Variants in SSUH2 observed in about 807,000 individuals in gnomAD.
SSUH2 encodes the protein ssu-2 homolog, also known as protein SSUH2 homolog.
In SSUH2, 47 loss-of-function variants were observed where a neutral mutation model predicts 55.3. The observed-to-expected ratio is 0.85, with a 90% CI of 0.67 to 1.08. The LOEUF (loss-of-function observed/expected upper bound fraction) is 1.08, where lower values mean the gene tolerates loss of function less well. Among genes scored for constraint, SSUH2 ranks in the 50% least tolerant of loss-of-function variants. The probability of loss-of-function intolerance (pLI) is 0.00; values close to 1 mark genes in which losing one functional copy is unlikely to be tolerated. For missense variants in SSUH2, 535 were observed against 490.7 expected (o/e 1.09, Z -0.85); for synonymous variants, 212 against 191.5 (o/e 1.11, Z -0.89).
rs1697904653 is a variant in SSUH2 at position 8,627,784 on chromosome 3, C to G, written c.589-1G>C. On this transcript the variant is annotated splice_acceptor_variant, in intron 7 of 11. Coordinates refer to ENST00000544814, the MANE Select transcript of SSUH2 (RefSeq NM_001256748.3). LOFTEE classifies it high-confidence loss of function. ...CTCCGCAGCAGGATGGGCACCGCAC[C>G]TGCAGACACACCACTGCCTCAGCCC... 1.9e-6 allele frequency: 3 copies of G among 1,608,476 alleles called. No individual in the cohort carries two copies.
At position 8,619,978 on chromosome 3, in the gene SSUH2, G is replaced by T. The variant is rs769752473; in HGVS notation, c.1018C>A (p.His340Asn). ...TAAGTCTTTCCTTGGTACCAATAGT[G>T]AACTTCTGTGAGGGGGATCAGCTCA... ...TIELIPLTEV[H>N]YWYQGKTYVY... The change falls in exon 12 of 12, where the codon CAC (histidine) becomes AAC (asparagine). Residue 340 changes from histidine (H) to asparagine (N), a missense_variant. Coordinates refer to ENST00000544814, the MANE Select transcript of SSUH2 (RefSeq NM_001256748.3). The T allele has an allele frequency of 6.2e-7, 1 of 1,614,150 alleles. No homozygotes were observed. The highest frequency in any genetic ancestry group is 8.5e-7 in the Non-Finnish European group (1 of 1,180,004).
At chr3:8,677,494 C>T (rs1575407485) in intron 2 of SSUH2, 1 of 150,810 alleles carries the variant, frequency 6.6e-6, no homozygotes, top group Non-Finnish European at 1.5e-5. Context: ...GAATGGGGAT[C>T]CCAACAACAG....
chr3:8,638,188 T>C (rs116354386), intron 1 of SSUH2, among the ~76,000 whole-genome samples: 2,806 of 152,206 alleles, frequency 0.018, 57 homozygotes, highest in Non-Finnish European at 0.022. Context: ...GTAGTTTCTG[T>C]CAGCTCCATT....
chr3:8,665,584 G>C (rs553137344), intron 5 of SSUH2, among the ~76,000 whole-genome samples: 10 of 152,246 alleles, frequency 6.6e-5, no homozygotes, highest in Admixed American at 6.5e-4. Context: ...TGTCATTGTA[G>C]GGAAAGACCA....
Position 8,623,568 on chromosome 3 carries a change from C to G in SSUH2, c.962G>C (p.Arg321Pro), listed in dbSNP as rs149593163. The G allele has an allele frequency of 3.5e-4, 542 of 1,550,364 alleles. No homozygotes were observed. The highest frequency in any genetic ancestry group is 2.5e-3 in the Middle Eastern group (15 of 5,954). ...IAEHSAALASRARVLQQRQTI... is the reference protein window; with the variant it reads ...IAEHSAALASPARVLQQRQTI... ...GCTCACCTGCTGCAGGACGCGGGCA[C>G]GGGAGGCCAAGGCAGCGCTGTGCTC... is the stretch of plus-strand genomic sequence containing the variant. Residue 321 changes from arginine (R) to proline (P), a missense_variant, in exon 11 of 12, where the codon CGT (arginine) becomes CCT (proline). By Grantham distance (103) the Arg-to-Pro change is moderately radical (BLOSUM62 -2). Coordinates refer to ENST00000544814, the MANE Select transcript of SSUH2 (RefSeq NM_001256748.3).
chr3:8,645,788 C>A (rs1273035040), upstream of SSUH2, among the ~76,000 whole-genome samples: 2 of 152,224 alleles, frequency 1.3e-5, no homozygotes, highest in Non-Finnish European at 1.5e-5. Flanking sequence ...GATGGCCACA[C>A]TGCACAGAGA....
chr3:8,673,997 G>C (rs755121104), intron 3 of SSUH2, among the ~76,000 whole-genome samples: 18 of 152,226 alleles, frequency 1.2e-4, no homozygotes, highest in Non-Finnish European at 2.1e-4. Context: ...CATGGCTTTA[G>C]TCCGTCAAAG....
exon 6 of SSUH2, chr3:8,663,772 T>TA (rs1177168895): frequency 8.8e-6 from 4 of 456,230 alleles, no homozygotes; most frequent in South Asian, 6.2e-5. Flanking sequence ...ACAACTGGTT[T>TA]CCATAGGTAC....
At chr3:8,645,110 T>C (rs1371877586), upstream of SSUH2, among the ~76,000 whole-genome samples, 1 of 152,164 alleles carries the variant, frequency 6.6e-6, no homozygotes, top group East Asian at 1.9e-4. Context: ...CTAGTCAGAG[T>C]GCCTGACAAC....
In SSUH2 at chr3:8,630,927, G is replaced by C; in HGVS notation, c.403C>G (p.His135Asp). The change falls in exon 6 of 12, where the codon CAC becomes GAC. Residue 135 changes from histidine to aspartate, a missense_variant and splice_region_variant. His to Asp is a moderately conservative substitution (Grantham distance 81). Coordinates refer to ENST00000544814, the MANE Select transcript of SSUH2 (RefSeq NM_001256748.3). ...SEWTFQPFTN[H>D]SVDGPQRGAS... ...CCTCTTTGCGGCCCATCCACAGAGT[G>C]GTCTGACACAGAAAGGGGTCATTGT... The C allele has an allele frequency of 7.0e-7, 1 of 1,418,838 alleles. No individual in the cohort carries two copies. The highest frequency in any genetic ancestry group is 9.3e-7 in the Non-Finnish European group (1 of 1,080,776). 87.9% of individuals were successfully genotyped at this position (1,418,838 alleles called of 1,614,324 possible).
intron 5 of SSUH2, 32 bp from the exon 6 acceptor site, chr3:8,630,961 C>T (rs776545756): frequency 1.7e-5 from 23 of 1,346,440 alleles, no homozygotes; most frequent in South Asian, 4.8e-5. Flanking sequence ...GTAAGAATGA[C>T]GAAGGGCAGC....
At chr3:8,678,483 T>C (rs1269022308) in intron 2 of SSUH2, among the ~76,000 whole-genome samples, 3 of 142,148 alleles carry the variant, frequency 2.1e-5, no homozygotes, top group Admixed American at 7.0e-5. Context: ...AGGACCCCCA[T>C]TGCAAGGGGG....
rs113206484 is a variant in SSUH2 at position 8,623,492 on chromosome 3, G to A, written c.981+57C>T. ...CCGCTCCGACGTTCTCAGGAAAGAG[G>A]GCTCAGCAGCCCAGGAAGAGACGTC... On this transcript the variant is annotated intron_variant, in intron 11 of 11. Coordinates refer to ENST00000544814, the MANE Select transcript of SSUH2 (RefSeq NM_001256748.3). 24 of 1,052,084 alleles carry A rather than the reference G, an allele frequency of 2.3e-5. No homozygotes were observed. In the African/African-American group the frequency reaches 3.5e-4, roughly 15 times the overall value. 65.2% of individuals were successfully genotyped at this position (1,052,084 alleles called of 1,614,324 possible).
At chr3:8,627,008 CAG>C (rs1697727599) in intron 8 of SSUH2, 1 of 152,190 alleles carries the variant, frequency 6.6e-6, no homozygotes, top group Admixed American at 6.5e-5. Context: ...TTTTCCCAGT[CAG>C]AGACTGTCTC....
chr3:8,629,797 T>A (rs1698402296), intron 6 of SSUH2, 71 bp from the exon 7 acceptor site: 1 of 1,469,716 alleles, frequency 6.8e-7, no homozygotes, highest in Non-Finnish European at 9.5e-7. Context: ...AACATCACCA[T>A]CTAAACCGAA....
intron 6 of SSUH2, among the ~76,000 whole-genome samples, chr3:8,661,124 T>TG (rs1703443417): frequency 6.6e-6 from 1 of 152,256 alleles, no homozygotes; most frequent in South Asian, 2.1e-4. Flanking sequence ...TTCTAGCCAC[T>TG]GCTCCTTACA....
intron 2 of SSUH2, among the ~76,000 whole-genome samples, chr3:8,678,545 T>C (rs1220146294): frequency 4.5e-5 from 5 of 110,680 alleles, no homozygotes; most frequent in African/African-American, 1.6e-4. Context: ...CTTCCCTCCA[T>C]GGCTCTTAGG....
At chr3:8,661,615 ACAG>A (rs1269327995) in intron 6 of SSUH2, among the ~76,000 whole-genome samples, 8 of 152,206 alleles carry the variant, frequency 5.3e-5, no homozygotes, top group African/African-American at 1.7e-4. Context: ...CTTTATTATC[ACAG>A]CAACAGCAAT....
At chr3:8,622,780 C>A (rs2125084782) in intron 11 of SSUH2, among the ~76,000 whole-genome samples, 1 of 152,318 alleles carries the variant, frequency 6.6e-6, no homozygotes, top group East Asian at 1.9e-4. Context: ...ACATTTTGAG[C>A]ACCGGGTGCC....
Sources: allele counts gnomAD v4.1 joint callset (sites outside exome capture counted in the v4.1 genomes callset), GRCh38; gene constraint gnomAD v4.1.1; transcripts MANE v1.5; gene names NCBI Gene and HGNC (gene_info 2026-07-23, HGNC 2026-07-21).